AIMP1: variants seen among roughly 807,000 people sequenced by gnomAD.
The protein encoded by AIMP1 is aminoacyl tRNA synthase complex-interacting multifunctional protein 1.
A neutral mutation model predicts 33.1 loss-of-function variants in AIMP1; 24 were observed. That is an observed-to-expected ratio of 0.73 (90% confidence interval 0.53 to 1.02). AIMP1 has a LOEUF of 1.02. Ranked by LOEUF, AIMP1 falls within the 50% of genes least tolerant of loss-of-function variation. The pLI is 0.00. For synonymous variants in AIMP1, 120 were observed against 121.5 expected (o/e 0.99, Z 0.08); for missense variants, 367 against 364.8 (o/e 1.01, Z -0.05).
intron 2 of AIMP1, among the ~76,000 whole-genome samples, chr4:106,325,948 C>T (rs990361017): frequency 6.6e-6 from 1 of 151,748 alleles, no homozygotes; most frequent in Non-Finnish European, 1.5e-5. Context: ...AGAATTATAC[C>T]ACTAAAGGCA....
upstream of AIMP1, chr4:106,316,337 A>G: frequency 3.5e-6 from 2 of 568,958 alleles, no homozygotes; most frequent in South Asian, 4.2e-5. Flanking sequence ...ATAGCGAGAG[A>G]GAAAGAGGTG....
chr4:106,323,254 CTA>C (rs1215932228), intron 1 of AIMP1, among the ~76,000 whole-genome samples: 1 of 152,030 alleles, frequency 6.6e-6, no homozygotes, highest in Non-Finnish European at 1.5e-5. Flanking sequence ...TTTATTATCT[CTA>C]TTTTCAAAAT....
chr4:106,349,056 A>G lies in AIMP1; in HGVS notation c.*1364A>G, dbSNP rs1385185032. ...AAATTTTATTTATTTAAATCCATGGAACTCTGGTAGGCCAGGATATATTAT... is the reference window on the plus strand; with the variant it reads ...AAATTTTATTTATTTAAATCCATGGGACTCTGGTAGGCCAGGATATATTAT... On this transcript the variant is annotated 3_prime_UTR_variant, in exon 7 of 7. Transcript: ENST00000672341. 1 of 152,114 alleles carries G rather than the reference A, an allele frequency of 6.6e-6. No homozygotes were observed. The highest frequency in any genetic ancestry group is 1.5e-5 in the Non-Finnish European group (1 of 68,016). 9.4% of individuals were successfully genotyped at this position (152,114 alleles called of 1,614,324 possible).
At chr4:106,329,790 T>C (rs1769603849) in intron 4 of AIMP1, among the ~76,000 whole-genome samples, 1 of 134,072 alleles carries the variant, frequency 7.5e-6, no homozygotes, top group Non-Finnish European at 1.6e-5. Flanking sequence ...TTTTTTTTTT[T>C]TTTTTTTTTT....
chr4:106,335,790 T>C (rs1218011864), intron 5 of AIMP1, among the ~76,000 whole-genome samples: 1 of 151,910 alleles, frequency 6.6e-6, no homozygotes, highest in East Asian at 1.9e-4. Flanking sequence ...TATAAAACCA[T>C]CTTTTATCTA....
chr4:106,330,807 T>C (rs1769647716), intron 4 of AIMP1, among the ~76,000 whole-genome samples: 1 of 152,198 alleles, frequency 6.6e-6, no homozygotes, highest in African/African-American at 2.4e-5. Flanking sequence ...GTTCTTTGGA[T>C]TCAAAGGTAA....
intron 1 of AIMP1, among the ~76,000 whole-genome samples, chr4:106,320,997 C>T (rs1769200269): frequency 1.3e-5 from 2 of 152,196 alleles, no homozygotes; most frequent in African/African-American, 4.8e-5. Flanking sequence ...ATCTGCCAGC[C>T]TCGGCGTCCT....
chr4:106,325,217 CT>C, intron 2 of AIMP1, 99 bp downstream of exon 2: 1 of 1,170,146 alleles, frequency 8.5e-7, no homozygotes, highest in Non-Finnish European at 1.2e-6. Flanking sequence ...TTAAGTTTTA[CT>C]TAGAAGTTTC....
At chr4:106,319,720 C>T (rs1391581023) in intron 1 of AIMP1, among the ~76,000 whole-genome samples, 1 of 152,134 alleles carries the variant, frequency 6.6e-6, no homozygotes, top group Admixed American at 6.5e-5. Context: ...ATTTTAATCT[C>T]ACAGTCTTAA....
chr4:106,325,966 A>G (rs1769440754), intron 2 of AIMP1, among the ~76,000 whole-genome samples: 1 of 152,170 alleles, frequency 6.6e-6, no homozygotes, highest in Admixed American at 6.5e-5. Context: ...GCAGTGTAAG[A>G]GGGTCACATG....
At chr4:106,342,690 T>G (rs964493468) in intron 6 of AIMP1, among the ~76,000 whole-genome samples, 2 of 152,214 alleles carry the variant, frequency 1.3e-5, no homozygotes, top group African/African-American at 4.8e-5. Context: ...TTGCCAGTAT[T>G]TTGTTGATGA....
rs1267576524 is a variant in AIMP1, at chr4:106,347,658, G to A, written c.905G>A (p.Arg302Lys). 1 of 1,613,110 alleles carries A rather than the reference G, an allele frequency of 6.2e-7. No homozygotes were observed. The highest frequency in any genetic ancestry group is 8.5e-7 in the Non-Finnish European group (1 of 1,179,600). ...GAGGTGAAAGGGAAGGGAGTATGTA[G>A]GGCTCAAACCATGAGCAACAGTGGA... ...PFEVKGKGVC[R>K]AQTMSNSGIK is the part of the protein sequence containing the mutation. Residue 302 changes from arginine (R) to lysine (K), a missense_variant, in exon 7 of 7, where the codon AGG becomes AAG. Coordinates refer to ENST00000672341, the MANE Select transcript of AIMP1 (RefSeq NM_001142416.2).
At chr4:106,316,167 AGCCTG>A (rs1328751543), upstream of AIMP1, 3 of 171,594 alleles carry the variant, frequency 1.7e-5, no homozygotes, top group Admixed American at 1.2e-4. Flanking sequence ...GAGGAGCGCA[AGCCTG>A]GCCTTCCCCA....
At chr4:106,321,210 G>T in intron 1 of AIMP1, 1 of 159,234 alleles carries the variant, frequency 6.3e-6, no homozygotes, top group Non-Finnish European at 1.3e-5. Context: ...GCCGCCCATC[G>T]TCGGGGATGT....
chr4:106,315,752 T>C (rs1178556272), upstream of AIMP1: 2 of 152,326 alleles, frequency 1.3e-5, no homozygotes, highest in African/African-American at 4.8e-5. Flanking sequence ...GAACCTGATT[T>C]ACAGGAAAGG....
intron 6 of AIMP1, among the ~76,000 whole-genome samples, chr4:106,341,158 G>T (rs546977416): frequency 6.6e-6 from 1 of 152,274 alleles, no homozygotes; most frequent in Non-Finnish European, 1.5e-5. Context: ...TTAGAGTTTT[G>T]TTGGATGCAT....
chr4:106,333,371 GCTCT>G (rs1440997547), intron 5 of AIMP1, among the ~76,000 whole-genome samples: 1 of 152,048 alleles, frequency 6.6e-6, no homozygotes, highest in Non-Finnish European at 1.5e-5. Context: ...TTTTGTTTTG[GCTCT>G]CTAATTTCAG....
At chr4:106,331,189 T>C (rs1769660003) in intron 4 of AIMP1, among the ~76,000 whole-genome samples, 2 of 152,210 alleles carry the variant, frequency 1.3e-5, no homozygotes, top group Admixed American at 6.5e-5. Context: ...GTGGTGTTCT[T>C]TCTAAATAAA....
chr4:106,346,359 T>C (rs950363687), intron 6 of AIMP1, among the ~76,000 whole-genome samples: 1 of 152,284 alleles, frequency 6.6e-6, no homozygotes, highest in Non-Finnish European at 1.5e-5. Context: ...GTTTACTTTC[T>C]AAAGTATGGT....
Sources: allele counts gnomAD v4.1 joint callset (sites outside exome capture counted in the v4.1 genomes callset), GRCh38; gene constraint gnomAD v4.1.1; transcripts MANE v1.5; gene names NCBI Gene and HGNC (gene_info 2026-07-23, HGNC 2026-07-21).